The following BPTF variants were observed in gnomAD, a reference collection of about 807,000 sequenced individuals.
BPTF encodes the protein nucleosome-remodeling factor subunit BPTF.
BPTF carries 18 observed loss-of-function variants against 292.5 expected under a neutral mutation model. The ratio of observed to expected loss-of-function variants is 0.06; its 90% confidence interval spans 0.04 to 0.09. BPTF has a LOEUF of 0.09. Ranked by LOEUF, BPTF falls within the 10% of genes least tolerant of loss-of-function variation. The pLI is 1.00. For missense variants in BPTF, 2,726 were observed against 3,498.7 expected (o/e 0.78, Z 5.57); for synonymous variants, 1,225 against 1,251.9 (o/e 0.98, Z 0.45).
Position 67,854,688 on chromosome 17 carries a change from A to G in BPTF, c.1362A>G (p.Pro454=). ...DCVAEIQKNK[P]YIRHEPIGYD... is the part of the protein sequence containing the mutation. The stretch of plus-strand genomic sequence containing the variant: ...TTGCTGAAATCCAAAAAAATAAACC[A>G]TATATTCGACATGAACCTATTGGAT... Residue 454 remains proline (P), a synonymous_variant, in exon 2 of 28, where the codon CCA becomes CCG. Transcript: ENST00000306378. The surrounding 1 kb of genome is among the most constrained non-coding windows in gnomAD (Gnocchi z 5.6). The G allele has an allele frequency of 6.2e-7, 1 of 1,614,212 alleles. No individual in the cohort carries two copies. Among genetic ancestry groups the G allele is most frequent in the Non-Finnish European group, 8.5e-7 (1 of 1,180,048 alleles).
At chr17:67,857,117 C>T (rs962223802) in intron 2 of BPTF, among the ~76,000 whole-genome samples, 2 of 149,634 alleles carry the variant, frequency 1.3e-5, no homozygotes, top group African/African-American at 4.9e-5. Context: ...CATGTCTCCC[C>T]TACTTTATCC....
intron 23 of BPTF, among the ~76,000 whole-genome samples, chr17:67,958,615 G>T (rs1389830731): frequency 1.3e-5 from 2 of 151,932 alleles, no homozygotes; most frequent in Non-Finnish European, 2.9e-5. Context: ...TGTAATCCTA[G>T]CTAGTTGGGA....
intron 23 of BPTF, among the ~76,000 whole-genome samples, chr17:67,953,379 C>T (rs1398737999): frequency 3.3e-5 from 5 of 151,848 alleles, no homozygotes; most frequent in African/African-American, 1.2e-4. Flanking sequence ...CCTCAGCCTC[C>T]CAAGTAGCTG....
intron 21 of BPTF, among the ~76,000 whole-genome samples, chr17:67,947,303 G>T (rs1386614025): frequency 6.6e-6 from 1 of 152,134 alleles, no homozygotes; most frequent in African/African-American, 2.4e-5. Flanking sequence ...GCTAATCTTT[G>T]TATAGGGGAG....
chr17:67,894,297 A>C, intron 7 of BPTF, 132 bp downstream of exon 7: 1 of 876,572 alleles, frequency 1.1e-6, no homozygotes, highest in Non-Finnish European at 1.7e-6. Flanking sequence ...TTTTCTTCCT[A>C]TATAAGTTGT....
rs60751133 is a variant in BPTF at position 67,832,783 on chromosome 17, C to CTTT, written c.613+6466_613+6468dup. Reference sequence around the variant, plus strand: ...ACTTTGATTCCCTGTTGATTCGCCTCTTTTTTTTTTTTTTTTTTTTTTGAG... The same window carrying CTTT: ...ACTTTGATTCCCTGTTGATTCGCCTCTTTTTTTTTTTTTTTTTTTTTTTTTGAG... On this transcript the variant is annotated intron_variant, in intron 1 of 27. Coordinates refer to ENST00000306378, the MANE Select transcript of BPTF (RefSeq NM_182641.4). Among the ~76,000 whole-genome samples, 510 of 101,608 alleles carry CTTT rather than the reference C, an allele frequency of 5.0e-3. 6 individuals carry two copies. Among genetic ancestry groups the CTTT allele is most frequent in the East Asian group, 0.016 (47 of 3,016 alleles). 66.7% of individuals were successfully genotyped at this position (101,608 alleles called of 152,430 possible). A position where few individuals can be genotyped will look rare whatever the true frequency, so the allele number is the denominator to read the frequency against.
intron 27 of BPTF, 100 bp from the exon 28 acceptor site, chr17:67,982,152 C>T: frequency 9.4e-7 from 1 of 1,062,018 alleles, no homozygotes; most frequent in Non-Finnish European, 1.5e-6. Flanking sequence ...AAGAACATGG[C>T]TGCTTCTCCC....
At chr17:67,947,835 C>CTGT in intron 22 of BPTF, 27 bp downstream of exon 22, 1 of 1,537,936 alleles carries the variant, frequency 6.5e-7, no homozygotes, top group Non-Finnish European at 8.8e-7. Flanking sequence ...GTCTTGTTGT[C>CTGT]TGTCCGTCTC....
At chr17:67,974,159 ACT>A (rs1356488261) in intron 26 of BPTF, 1 of 151,774 alleles carries the variant, frequency 6.6e-6, no homozygotes, top group African/African-American at 2.4e-5. Context: ...CTGGCCTTTC[ACT>A]CTCTCAGATA....
rs1200710294 is a variant in BPTF at position 67,866,524 on chromosome 17, A to G, written c.1497A>G (p.Gln499=). The change falls in exon 3 of 28, where the codon CAA becomes CAG. Residue 499 remains glutamine, a synonymous_variant. Coordinates refer to ENST00000306378, the MANE Select transcript of BPTF (RefSeq NM_182641.4). ...KKIWYYSTKV[Q]LAELIDCLDK... is the part of the protein sequence containing the mutation. ...TTTGGTATTACAGCACAAAGGTCCA[A>G]CTTGCAGAATTAATTGACTGTCTAG... 6.2e-7 allele frequency: 1 copy of G among 1,614,090 alleles called. No individual in the cohort carries two copies. The highest frequency in any genetic ancestry group is 1.3e-5 in the African/African-American group (1 of 74,936).
rs1224051076 is a variant in BPTF, at chr17:67,983,941, AT to A, written c.*1655del. The A allele has an allele frequency of 2.6e-5, 4 of 152,582 alleles. No homozygotes were observed. Among genetic ancestry groups the A allele is most frequent in the African/African-American group, 9.7e-5 (4 of 41,446 alleles). 9.5% of individuals were successfully genotyped at this position (152,582 alleles called of 1,614,324 possible). On this transcript the variant is annotated 3_prime_UTR_variant, in exon 28 of 28. Transcript: ENST00000306378. ...GGGTTAATTTTATCTAATGAAGCCCATTCCTTTTTGTACATAAAGATGTCAC... is the reference window on the plus strand; with the variant it reads ...GGGTTAATTTTATCTAATGAAGCCCATCCTTTTTGTACATAAAGATGTCAC...
rs571768629 is a variant in BPTF at position 67,855,927 on chromosome 17, G to A, written c.1436+1165G>A. Among the ~76,000 whole-genome samples, 29 of 152,286 alleles carry A rather than the reference G, an allele frequency of 1.9e-4. 1 individual carries two copies. In the South Asian group the frequency reaches 5.4e-3, roughly 28 times the overall value. On this transcript the variant is annotated intron_variant, in intron 2 of 27. Coordinates refer to ENST00000306378, the MANE Select transcript of BPTF (RefSeq NM_182641.4). Reference sequence around the variant, plus strand: ...GTGGCTGGAAGCTTACGGAATCTTCGCTGTCTATGGTGTTCTGCAGTTTTA... The same window carrying A: ...GTGGCTGGAAGCTTACGGAATCTTCACTGTCTATGGTGTTCTGCAGTTTTA...
intron 26 of BPTF, among the ~76,000 whole-genome samples, chr17:67,968,344 T>A (rs2068359654): frequency 6.6e-6 from 1 of 151,520 alleles, no homozygotes; most frequent in Non-Finnish European, 1.5e-5. Flanking sequence ...GTTCTCCTGA[T>A]GTTGAAAATA....
Position 67,825,886 on chromosome 17 carries a change from C to G in BPTF, c.162C>G (p.Ala54=). 1 of 1,015,678 alleles carries G rather than the reference C, an allele frequency of 9.8e-7. No individual in the cohort carries two copies. The highest frequency in any genetic ancestry group is 1.7e-5 in the African/African-American group (1 of 57,534). The allele number at this position is 1,015,678 out of a possible 1,614,324, so 62.9% of individuals were successfully genotyped here. A position where few individuals can be genotyped will look rare whatever the true frequency, so the allele number is the denominator to read the frequency against. The change falls in exon 1 of 28, where the codon GCC becomes GCG. Residue 54 remains alanine (A), a synonymous_variant. Transcript: ENST00000306378. ...GCAGCCGGGGCAGGTGGGCCGCCGC[C>G]CAGGCTGAGGTGGCGCCCAAGACGC... is the stretch of plus-strand genomic sequence containing the variant. ...RGSSRGRWAA[A]QAEVAPKTRL...
intron 1 of BPTF, among the ~76,000 whole-genome samples, chr17:67,835,570 A>G (rs1230421167): frequency 6.6e-6 from 1 of 152,014 alleles, no homozygotes; most frequent in Non-Finnish European, 1.5e-5. Flanking sequence ...ATTTGGGGTC[A>G]TGTGTGAGAT....
chr17:67,873,770 A>G (rs975267488), intron 3 of BPTF, among the ~76,000 whole-genome samples: 25 of 152,328 alleles, frequency 1.6e-4, no homozygotes, highest in African/African-American at 6.0e-4. Context: ...TATATTTATG[A>G]CTACATTTTT....
intron 3 of BPTF, 96 bp from the exon 4 acceptor site, chr17:67,874,721 T>A: frequency 1.3e-6 from 1 of 774,992 alleles, no homozygotes; most frequent in Non-Finnish European, 2.1e-6. Flanking sequence ...TTTTCCTCTT[T>A]AATAGCTTGT....
intron 27 of BPTF, chr17:67,981,850 C>G (rs1208827872): frequency 4.0e-6 from 1 of 252,654 alleles, no homozygotes; most frequent in African/African-American, 2.7e-5. Flanking sequence ...TTATATTCCC[C>G]TCATCAATGT....
intron 4 of BPTF, among the ~76,000 whole-genome samples, chr17:67,878,690 G>A: frequency 6.6e-6 from 1 of 152,088 alleles, no homozygotes; most frequent in Non-Finnish European, 1.5e-5. Context: ...TCGTGTGTGT[G>A]TGTGTGTGTG....
Sources: gnomAD v4.1 joint callset for allele counts (sites outside exome capture counted in the v4.1 genomes callset) on GRCh38, gnomAD v4.1.1 for gene constraint, Gnocchi (gnomAD v3.1) non-coding constraint, MANE v1.5 for transcripts, NCBI Gene and HGNC (gene_info 2026-07-23, HGNC 2026-07-21) for gene names.